IGF2BP2: variants seen among roughly 807,000 people sequenced by gnomAD.
The protein encoded by IGF2BP2 is insulin-like growth factor 2 mRNA-binding protein 2.
Under a neutral mutation model 75.8 loss-of-function variants are expected in IGF2BP2, and 17 were observed. The observed-to-expected ratio is 0.22, with a 90% CI of 0.15 to 0.34. The LOEUF (loss-of-function observed/expected upper bound fraction) is 0.34. IGF2BP2 is among the 10% of genes least tolerant of loss of function. The pLI is 1.00. For missense variants in IGF2BP2, 516 were observed against 772.4 expected (o/e 0.67, Z 3.93); for synonymous variants, 288 against 295.6 (o/e 0.97, Z 0.26).
chr3:185,665,213 AG>A (rs1717134685), intron 10 of IGF2BP2, among the ~76,000 whole-genome samples: 16 of 147,610 alleles, frequency 1.1e-4, no homozygotes, highest in African/African-American at 3.2e-4. Flanking sequence ...AAGAAGGAGA[AG>A]GAAGAGGAGG....
At chr3:185,811,830 G>GTCTCTCTCTCTCTCTCTC (rs58208457) in intron 2 of IGF2BP2, among the ~76,000 whole-genome samples, 171 of 120,766 alleles carry the variant, frequency 1.4e-3, no homozygotes, top group Non-Finnish European at 2.3e-3. Context: ...AGAGTAGGGT[G>GTCTCTCTCTCTCTCTCTC]TCTCTCTCTC....
chr3:185,696,212 C>T (rs140900316), intron 4 of IGF2BP2, among the ~76,000 whole-genome samples: 1 of 152,140 alleles, frequency 6.6e-6, no homozygotes, highest in Non-Finnish European at 1.5e-5. Context: ...TATAGGAGTC[C>T]TATTCATTGG....
intron 2 of IGF2BP2, among the ~76,000 whole-genome samples, chr3:185,781,977 T>A (rs775185730): frequency 6.6e-6 from 1 of 152,126 alleles, no homozygotes; most frequent in African/African-American, 2.4e-5. Flanking sequence ...TTTTTAGAAT[T>A]GGGCAGAATA....
intron 2 of IGF2BP2, among the ~76,000 whole-genome samples, chr3:185,792,185 A>T (rs1157399638): frequency 6.6e-6 from 1 of 152,248 alleles, no homozygotes; most frequent in African/African-American, 2.4e-5. Context: ...ATCCTGTTAA[A>T]AAGTAGATGA....
At chr3:185,717,477 G>A (rs1160072506) in intron 2 of IGF2BP2, 1 of 152,280 alleles carries the variant, frequency 6.6e-6, no homozygotes, top group Non-Finnish European at 1.5e-5. Flanking sequence ...GGTTTACTCT[G>A]AGAATAGGAC....
At chr3:185,699,563 A>G (rs1340260193) in intron 2 of IGF2BP2, among the ~76,000 whole-genome samples, 4 of 152,246 alleles carry the variant, frequency 2.6e-5, no homozygotes, top group Non-Finnish European at 4.4e-5. Context: ...TACTTTCTAC[A>G]TGTTATTTGC....
intron 2 of IGF2BP2, among the ~76,000 whole-genome samples, chr3:185,805,238 A>T (rs1337710657): frequency 6.6e-6 from 1 of 152,066 alleles, no homozygotes; most frequent in Non-Finnish European, 1.5e-5. Context: ...TGACAACCAT[A>T]CAACTAGAGT....
At chr3:185,814,457 T>A (rs1740336379) in intron 2 of IGF2BP2, among the ~76,000 whole-genome samples, 1 of 152,198 alleles carries the variant, frequency 6.6e-6, no homozygotes, top group South Asian at 2.1e-4. Context: ...TATCCTCACA[T>A]GAGCTTTTTC....
At position 185,658,373 on chromosome 3, in the gene IGF2BP2, G is replaced by A; in HGVS notation, c.1237C>T (p.His413Tyr). The A allele has an allele frequency of 2.5e-6, 4 of 1,614,034 alleles. No homozygotes were observed. Among genetic ancestry groups the A allele is most frequent in the Non-Finnish European group, 3.4e-6 (4 of 1,179,936 alleles). The change falls in exon 11 of 16, where the codon CAC becomes TAC. Residue 413 changes from histidine to tyrosine, a missense_variant. His to Tyr is a moderately conservative substitution (Grantham distance 83). Around this residue, in one of 3 missense-constraint regions of IGF2BP2, gnomAD observed 75 missense variants for 67.4 expected, o/e 1.11. Coordinates refer to ENST00000382199, the MANE Select transcript of IGF2BP2 (RefSeq NM_006548.6). ...TGATGCGGGAACGGGCCAAACTGGT[G>A]ATGGGGGTACAGGCTGGAGAAGTAT... Reference protein sequence around the residue: ...SGYFSSLYPHHQFGPFPHHHS... With the variant: ...SGYFSSLYPHYQFGPFPHHHS...
In IGF2BP2 at chr3:185,823,143, G is replaced by A; in HGVS notation, c.239+10C>T. ...AATCGCAAAAAAAAAACTAAGCAAA[G>A]TATATTTACCTTAGCTTTTTAGAGA... On this transcript the variant is annotated intron_variant, in intron 2 of 15. Coordinates refer to ENST00000382199, the MANE Select transcript of IGF2BP2 (RefSeq NM_006548.6). 1 of 1,576,666 alleles carries A rather than the reference G, an allele frequency of 6.3e-7. No homozygotes were observed. The highest frequency in any genetic ancestry group is 2.3e-5 in the East Asian group (1 of 44,094).
At position 185,771,264 on chromosome 3, in the gene IGF2BP2, AC is replaced by A. The variant is rs549702491; in HGVS notation, c.239+51888del. On this transcript the variant is annotated intron_variant, in intron 2 of 15. Transcript: ENST00000382199. The stretch of plus-strand genomic sequence containing the variant: ...AGACCAGCCTGGCCAAGATGGTGAA[AC>A]CCCTGTCTCTACTAAAAATATAAAA... Among the ~76,000 whole-genome samples the A allele has an allele frequency of 2.6e-5, 4 of 151,886 alleles. No individual in the cohort carries two copies. In the South Asian group the frequency reaches 8.3e-4, roughly 32 times the overall value.
At chr3:185,720,272 A>G (rs1242353783) in intron 2 of IGF2BP2, among the ~76,000 whole-genome samples, 1 of 152,222 alleles carries the variant, frequency 6.6e-6, no homozygotes, top group East Asian at 1.9e-4. Flanking sequence ...GGGGAGATAA[A>G]GCAATCTGTA....
chr3:185,668,510 T>TATAG (rs1553852704), intron 10 of IGF2BP2, among the ~76,000 whole-genome samples: 16 of 132,008 alleles, frequency 1.2e-4, no homozygotes, highest in Non-Finnish European at 2.5e-4. Flanking sequence ...GAGAGAGAGA[T>TATAG]ATATATATAT....
At chr3:185,819,482 T>C (rs1343173206) in intron 2 of IGF2BP2, among the ~76,000 whole-genome samples, 4 of 152,118 alleles carry the variant, frequency 2.6e-5, no homozygotes, top group Non-Finnish European at 4.4e-5. Context: ...GTTCACTTTT[T>C]TCTGTATTGC....
At chr3:185,733,276 A>G (rs995835929) in intron 2 of IGF2BP2, among the ~76,000 whole-genome samples, 2 of 152,206 alleles carry the variant, frequency 1.3e-5, no homozygotes, top group African/African-American at 4.8e-5. Flanking sequence ...ATATTTCAGG[A>G]AGCTTGATCC....
At chr3:185,709,912 G>T (rs1242872769) in intron 2 of IGF2BP2, among the ~76,000 whole-genome samples, 2 of 152,154 alleles carry the variant, frequency 1.3e-5, no homozygotes, top group Non-Finnish European at 2.9e-5. Flanking sequence ...CTGGATTCTG[G>T]AGAATGGGAT....
chr3:185,654,331 C>G (rs1389970809), intron 12 of IGF2BP2, among the ~76,000 whole-genome samples: 1 of 152,212 alleles, frequency 6.6e-6, no homozygotes, highest in Non-Finnish European at 1.5e-5. Context: ...ATTGAGACTT[C>G]TGGCAGGATC....
At chr3:185,770,664 A>T in intron 2 of IGF2BP2, among the ~76,000 whole-genome samples, 1 of 152,166 alleles carries the variant, frequency 6.6e-6, no homozygotes, top group East Asian at 1.9e-4. Context: ...AGCACATACA[A>T]ATTATGAGAG....
At chr3:185,719,050 G>A (rs1322490776) in intron 2 of IGF2BP2, among the ~76,000 whole-genome samples, 1 of 152,182 alleles carries the variant, frequency 6.6e-6, no homozygotes, top group Admixed American at 6.5e-5. Context: ...TGGGTGGGGA[G>A]AGGAAGCAGA....
Sources: allele counts gnomAD v4.1 joint callset (sites outside exome capture counted in the v4.1 genomes callset), GRCh38; gene constraint gnomAD v4.1.1; regional missense constraint gnomAD v4.1.1; transcripts MANE v1.5; gene names NCBI Gene and HGNC (gene_info 2026-07-23, HGNC 2026-07-21).